Variants in SF3B6 observed in about 807,000 individuals in gnomAD.
SF3B6 encodes splicing factor 3b subunit 6.
Under a neutral mutation model 15.9 loss-of-function variants are expected in SF3B6, and 3 were observed. That is an observed-to-expected ratio of 0.19 (90% CI 0.09 to 0.49). The LOEUF is 0.49. Ranked by LOEUF, SF3B6 falls within the 20% of genes least tolerant of loss-of-function variation. SF3B6 has a pLI of 0.97. For missense variants in SF3B6, 71 were observed against 154.3 expected (o/e 0.46, Z 2.86); for synonymous variants, 49 against 51.1 (o/e 0.96, Z 0.18).
intron 2 of SF3B6, among the ~76,000 whole-genome samples, chr2:24,070,320 T>C (rs143947449): frequency 7.9e-5 from 12 of 152,328 alleles, no homozygotes; most frequent in African/African-American, 2.9e-4. Flanking sequence ...ATTTTTGTAT[T>C]TTTAGTAGAG....
At chr2:24,075,795 TAATG>T (rs923722654) in intron 1 of SF3B6, among the ~76,000 whole-genome samples, 1 of 152,066 alleles carries the variant, frequency 6.6e-6, no homozygotes, top group Non-Finnish European at 1.5e-5. Context: ...ATTAATGTGT[TAATG>T]AAGGATCCGA....
chr2:24,069,082 A>T (rs1259121077), intron 2 of SF3B6, among the ~76,000 whole-genome samples: 1 of 152,166 alleles, frequency 6.6e-6, no homozygotes, highest in Non-Finnish European at 1.5e-5. Context: ...CCTGACTTCA[A>T]GTGATCCGCC....
At chr2:24,071,822 T>C (rs1437407372) in intron 2 of SF3B6, among the ~76,000 whole-genome samples, 1 of 152,184 alleles carries the variant, frequency 6.6e-6, no homozygotes, top group Non-Finnish European at 1.5e-5. Context: ...TGCTCTGCAC[T>C]CTTCTGAAGA....
chr2:24,075,351 TTCTTTCTG>T (rs779057414), intron 1 of SF3B6, among the ~76,000 whole-genome samples: 3 of 124,784 alleles, frequency 2.4e-5, no homozygotes, highest in African/African-American at 9.1e-5. Context: ...CTTTCTTTCT[TTCTTTCTG>T]TTTTTTTTTT....
chr2:24,067,647 C>T lies in SF3B6; in HGVS notation c.*115G>A. On this transcript the variant is annotated 3_prime_UTR_variant, in exon 4 of 4. Coordinates refer to ENST00000233468, the MANE Select transcript of SF3B6 (RefSeq NM_016047.4). The stretch of plus-strand genomic sequence containing the variant: ...TTCCAATATGTATCAAAGTTTCAAG[C>T]AGGTCATTTTGAACCTCAAATAAGA... The T allele has an allele frequency of 2.5e-6, 2 of 809,056 alleles. No homozygotes were observed. The allele number at this position is 809,056 out of a possible 1,614,324, so 50.1% of individuals were successfully genotyped here. A position where few individuals can be genotyped will look rare whatever the true frequency, so the allele number is the denominator to read the frequency against.
At chr2:24,074,814 T>C (rs926109968) in intron 1 of SF3B6, among the ~76,000 whole-genome samples, 2 of 152,166 alleles carry the variant, frequency 1.3e-5, no homozygotes, top group African/African-American at 2.4e-5. Context: ...AAGATACACC[T>C]ATATCACACA....
intron 2 of SF3B6, among the ~76,000 whole-genome samples, chr2:24,069,352 T>C (rs1664614211): frequency 6.6e-6 from 1 of 152,210 alleles, no homozygotes; most frequent in East Asian, 1.9e-4. Flanking sequence ...TAGTTATTCC[T>C]GGCCACTTCC....
At chr2:24,075,462 C>A (rs933206400) in intron 1 of SF3B6, among the ~76,000 whole-genome samples, 1 of 150,560 alleles carries the variant, frequency 6.6e-6, no homozygotes, top group Non-Finnish European at 1.5e-5. Context: ...TTCCTGGGCT[C>A]AAGCAATCCT....
chr2:24,073,758 A>C (rs937469734), intron 2 of SF3B6: 1 of 176,934 alleles, frequency 5.7e-6, no homozygotes, highest in Non-Finnish European at 1.2e-5. Flanking sequence ...CTAGCTTTAC[A>C]AATAACAGGT....
chr2:24,069,583 C>G (rs56952675), intron 2 of SF3B6, among the ~76,000 whole-genome samples: 7,664 of 152,204 alleles, frequency 0.05, 240 homozygotes, highest in East Asian at 0.078. Flanking sequence ...TGTGGGCTGA[C>G]TCTCCATCTG....
intron 3 of SF3B6, among the ~76,000 whole-genome samples, 172 bp downstream of exon 3, chr2:24,068,149 C>G (rs1055881190): frequency 6.6e-6 from 1 of 151,974 alleles, no homozygotes; most frequent in Non-Finnish European, 1.5e-5. Context: ...ATTTTTAGTA[C>G]AGACGGGGTT....
chr2:24,068,939 C>T (rs1664605873), intron 2 of SF3B6, among the ~76,000 whole-genome samples: 1 of 152,198 alleles, frequency 6.6e-6, no homozygotes, highest in Non-Finnish European at 1.5e-5. Context: ...CTCTGCCTCT[C>T]AAGTTCAAGT....
At chr2:24,069,688 G>A (rs1261773852) in intron 2 of SF3B6, among the ~76,000 whole-genome samples, 1 of 152,156 alleles carries the variant, frequency 6.6e-6, no homozygotes, top group Admixed American at 6.6e-5. Context: ...TATAGTCTGG[G>A]CCCTGTTCAA....
intron 1 of SF3B6, 45 bp downstream of exon 1, chr2:24,076,155 C>G: frequency 6.2e-7 from 1 of 1,613,816 alleles, no homozygotes; most frequent in Non-Finnish European, 8.5e-7. Flanking sequence ...CTAAGAAAGT[C>G]AAACCCGAAG....
Position 24,075,359 on chromosome 2 carries a change from G to GTT in SF3B6, c.30+839_30+840dup, listed in dbSNP as rs776683939. Among the ~76,000 whole-genome samples, 157 of 72,752 alleles carry GTT rather than the reference G, an allele frequency of 2.2e-3. 3 individuals are homozygous for GTT. Among genetic ancestry groups the GTT allele is most frequent in the Middle Eastern group, 0.014 (2 of 146 alleles). 47.7% of individuals were successfully genotyped at this position (72,752 alleles called of 152,430 possible). A position where few individuals can be genotyped will look rare whatever the true frequency, so the allele number is the denominator to read the frequency against. The stretch of plus-strand genomic sequence containing the variant: ...TTTCTTTCTTTCTTTCTTTCTTTCT[G>GTT]TTTTTTTTTTTTTTTTTGAGTCAGG... On this transcript the variant is annotated intron_variant, in intron 1 of 3. Coordinates refer to ENST00000233468, the MANE Select transcript of SF3B6 (RefSeq NM_016047.4).
chr2:24,074,211 G>T lies in SF3B6; in HGVS notation c.31-17C>A. 3 of 1,345,956 alleles carry T rather than the reference G, an allele frequency of 2.2e-6. No homozygotes were observed. Among genetic ancestry groups the T allele is most frequent in the Middle Eastern group, 1.8e-4 (1 of 5,544 alleles). The allele number at this position is 1,345,956 out of a possible 1,614,324, so 83.4% of individuals were successfully genotyped here. ...AAGTCGAATCTAAAATGAGAAATAC[G>T]TATTGTTATTATAATTAGGGGCATT... On this transcript the variant is annotated splice_polypyrimidine_tract_variant and intron_variant, in intron 1 of 3. Transcript: ENST00000233468.
At chr2:24,067,954 T>C in intron 3 of SF3B6, 103 bp from the exon 4 acceptor site, 3 of 929,924 alleles carry the variant, frequency 3.2e-6, no homozygotes, top group Non-Finnish European at 5.2e-6. Context: ...ACATATATCA[T>C]CACAGTACAG....
intron 1 of SF3B6, among the ~76,000 whole-genome samples, chr2:24,075,563 T>C (rs772212096): frequency 2.7e-5 from 4 of 148,064 alleles, no homozygotes; most frequent in Non-Finnish European, 4.4e-5. Flanking sequence ...GTTTTACTGT[T>C]GACTAATCTC....
chr2:24,068,981 G>C (rs148336831), intron 2 of SF3B6, among the ~76,000 whole-genome samples: 14 of 152,270 alleles, frequency 9.2e-5, no homozygotes, highest in African/African-American at 3.4e-4. Flanking sequence ...CAAGTAGCTG[G>C]GACTGGAGGC....
Sources: allele counts gnomAD v4.1 joint callset (sites outside exome capture counted in the v4.1 genomes callset), GRCh38; gene constraint gnomAD v4.1.1; transcripts MANE v1.5; gene names NCBI Gene and HGNC (gene_info 2026-07-23, HGNC 2026-07-21).